LYPLAL1: variants seen among roughly 807,000 people sequenced by gnomAD.
LYPLAL1 encodes lysophospholipase like 1, also known as lysophospholipase-like protein 1.
A neutral mutation model predicts 19.7 loss-of-function variants in LYPLAL1; 23 were observed. The ratio of observed to expected loss-of-function variants is 1.17; its 90% CI spans 0.84 to 1.65. The LOEUF (loss-of-function observed/expected upper bound fraction) is 1.65, where lower values mean the gene tolerates loss of function less well. Ranked by LOEUF, LYPLAL1 falls within the 40% of genes most tolerant of loss-of-function variation. LYPLAL1 has a pLI of 0.00. For synonymous variants in LYPLAL1, 119 were observed against 96.3 expected (o/e 1.24, Z -1.38); for missense variants, 355 against 279.4 (o/e 1.27, Z -1.93).
the LYPLAL1 span, among the ~76,000 whole-genome samples, chr1:219,326,829 C>T: frequency 6.6e-6 from 1 of 152,074 alleles, no homozygotes; most frequent in East Asian, 1.9e-4. Context: ...ATTGCATCAG[C>T]CTATGGGGAA....
chr1:219,389,269 A>C, the LYPLAL1 span, among the ~76,000 whole-genome samples: 3 of 152,184 alleles, frequency 2.0e-5, no homozygotes, highest in Non-Finnish European at 4.4e-5. Context: ...CTTATTTGAT[A>C]CATGTCTTTT....
the LYPLAL1 span, among the ~76,000 whole-genome samples, chr1:219,261,087 A>G: frequency 6.6e-6 from 1 of 152,182 alleles, no homozygotes; most frequent in African/African-American, 2.4e-5. Context: ...TAGTGACTGT[A>G]TTCAGAGGAA....
At chr1:219,226,411 A>G in the LYPLAL1 span, among the ~76,000 whole-genome samples, 1 of 152,214 alleles carries the variant, frequency 6.6e-6, no homozygotes, top group South Asian at 2.1e-4. Context: ...GCTGCCAAAT[A>G]TACAGCATGC....
the LYPLAL1 span, among the ~76,000 whole-genome samples, chr1:219,232,504 G>A: frequency 6.6e-6 from 1 of 151,886 alleles, no homozygotes; most frequent in Non-Finnish European, 1.5e-5. Context: ...GACAGCAAAA[G>A]CATAAGCAGC....
At chr1:219,260,628 T>A in the LYPLAL1 span, among the ~76,000 whole-genome samples, 1 of 148,582 alleles carries the variant, frequency 6.7e-6, no homozygotes, top group Non-Finnish European at 1.5e-5. Flanking sequence ...ATATATTAAA[T>A]TTTATATGTA....
At chr1:219,198,114 T>C (rs1657759905) in intron 3 of LYPLAL1, among the ~76,000 whole-genome samples, 1 of 152,178 alleles carries the variant, frequency 6.6e-6, no homozygotes. Context: ...TAAAAATCAG[T>C]GCCTTTGATA....
the LYPLAL1 span, among the ~76,000 whole-genome samples, chr1:219,275,723 C>T: frequency 6.6e-6 from 1 of 151,936 alleles, no homozygotes; most frequent in Non-Finnish European, 1.5e-5. Context: ...AGTATTAAAA[C>T]TTTAATATAG....
the LYPLAL1 span, among the ~76,000 whole-genome samples, chr1:219,369,794 C>T: frequency 6.6e-6 from 1 of 152,206 alleles, no homozygotes; most frequent in Admixed American, 6.5e-5. Flanking sequence ...AATGTATCCT[C>T]ATACACAATG....
intron 3 of LYPLAL1, among the ~76,000 whole-genome samples, chr1:219,206,127 G>A (rs1233633425): frequency 6.6e-6 from 1 of 151,948 alleles, no homozygotes; most frequent in Non-Finnish European, 1.5e-5. Context: ...TTTACTTTCA[G>A]ATTGATTATC....
At chr1:219,263,864 C>T in the LYPLAL1 span, among the ~76,000 whole-genome samples, 1 of 152,138 alleles carries the variant, frequency 6.6e-6, no homozygotes, top group African/African-American at 2.4e-5. Context: ...ACTTTGGGAA[C>T]TCACAGTTTT....
chr1:219,281,820 G>A, the LYPLAL1 span, among the ~76,000 whole-genome samples: 6 of 152,186 alleles, frequency 3.9e-5, no homozygotes, highest in Admixed American at 1.3e-4. Context: ...TTTCTGAACG[G>A]CCACTGAAAA....
At chr1:219,209,033 A>C (rs2125112886) in intron 3 of LYPLAL1, among the ~76,000 whole-genome samples, 1 of 152,200 alleles carries the variant, frequency 6.6e-6, no homozygotes, top group East Asian at 1.9e-4. Context: ...TTTTACATAC[A>C]GTGTTAAGAT....
the LYPLAL1 span, among the ~76,000 whole-genome samples, chr1:219,414,719 A>C: frequency 6.6e-6 from 1 of 152,216 alleles, no homozygotes; most frequent in African/African-American, 2.4e-5. Context: ...TTTTCTTGTC[A>C]GAATTAAAAC....
the LYPLAL1 span, chr1:219,270,688 T>G: frequency 6.6e-6 from 1 of 152,220 alleles, no homozygotes; most frequent in South Asian, 2.1e-4. Flanking sequence ...CATTCATCTG[T>G]GCAAGTTTCC....
chr1:219,298,120 G>C, the LYPLAL1 span, among the ~76,000 whole-genome samples: 1 of 152,116 alleles, frequency 6.6e-6, no homozygotes, highest in East Asian at 1.9e-4. Flanking sequence ...GACCAGCGTG[G>C]GTAACATGGC....
At chr1:219,262,479 T>TAGCC in the LYPLAL1 span, among the ~76,000 whole-genome samples, 38 of 152,182 alleles carry the variant, frequency 2.5e-4, no homozygotes, top group Non-Finnish European at 4.6e-4. Flanking sequence ...AGAGGAAAAG[T>TAGCC]CTGGAACTCA....
the LYPLAL1 span, among the ~76,000 whole-genome samples, chr1:219,241,134 C>CTCTATATATATATATATATATA: frequency 9.0e-5 from 4 of 44,368 alleles, no homozygotes; most frequent in Non-Finnish European, 1.7e-4. Context: ...CTCTCTCTCT[C>CTCTATATATATATATATATATA]TATATATATA....
At chr1:219,358,332 C>T in the LYPLAL1 span, among the ~76,000 whole-genome samples, 3 of 152,150 alleles carry the variant, frequency 2.0e-5, no homozygotes, top group African/African-American at 4.8e-5. Context: ...AGAAACTGCA[C>T]AAGTACTGTA....
At chr1:219,377,363 G>A in the LYPLAL1 span, among the ~76,000 whole-genome samples, 1 of 152,156 alleles carries the variant, frequency 6.6e-6, no homozygotes, top group African/African-American at 2.4e-5. Context: ...AGTGTTTAAT[G>A]GGTATAGAGT....
Sources: gnomAD v4.1 joint callset for allele counts (sites outside exome capture counted in the v4.1 genomes callset) on GRCh38, gnomAD v4.1.1 for gene constraint, MANE v1.5 for transcripts, NCBI Gene and HGNC (gene_info 2026-07-23, HGNC 2026-07-21) for gene names.